Variants in AFF2 observed in about 807,000 individuals in gnomAD.
The protein encoded by AFF2 is AF4/FMR2 family member 2.
In AFF2, 14 loss-of-function variants were observed where a neutral mutation model predicts 76.9. That is an observed-to-expected ratio of 0.18 (90% CI 0.12 to 0.28). AFF2 has a LOEUF of 0.28. AFF2 is among the 10% of genes least tolerant of loss of function. The probability of loss-of-function intolerance (pLI) is 1.00; values close to 1 mark genes in which losing one functional copy is unlikely to be tolerated. For synonymous variants in AFF2, 398 were observed against 366.7 expected, an observed-to-expected ratio of 1.09 and a Z score of -0.98; for missense variants, 868 against 1,001.1, an observed-to-expected ratio of 0.87 and a Z score of 1.79.
At chrX:148,792,893 C>T (rs2069917114) in intron 3 of AFF2, among the ~76,000 whole-genome samples, 1 of 111,991 alleles carries the variant, frequency 8.9e-6, no homozygotes. Flanking sequence ...AGAAACACAG[C>T]TCACAGACAA....
chrX:148,575,495 T>G (rs1355250714), intron 1 of AFF2, among the ~76,000 whole-genome samples: 2 of 111,802 alleles, frequency 1.8e-5, no homozygotes, highest in African/African-American at 6.5e-5. Flanking sequence ...AGGGTATAAT[T>G]TTTAATCACA....
At chrX:148,713,053 A>T (rs1355552065) in intron 3 of AFF2, among the ~76,000 whole-genome samples, 1 of 111,321 alleles carries the variant, frequency 9.0e-6, no homozygotes, top group Non-Finnish European at 1.9e-5. Flanking sequence ...GAGGTGAGGA[A>T]GCAAGCCATG....
At chrX:148,587,714 C>T (rs143466868) in intron 1 of AFF2, among the ~76,000 whole-genome samples, 1,989 of 112,093 alleles carry the variant, frequency 0.018, 21 homozygotes, top group Non-Finnish European at 0.027. Context: ...CAGCCTGGCC[C>T]TAAAGTACCC....
At chrX:148,775,670 T>C (rs1485371449) in intron 3 of AFF2, among the ~76,000 whole-genome samples, 6 of 111,387 alleles carry the variant, frequency 5.4e-5, no homozygotes, top group Admixed American at 9.6e-5. Flanking sequence ...GTCTTTGGCT[T>C]GTGGCCTCAT....
At chrX:148,735,064 T>C (rs1253689710) in intron 3 of AFF2, among the ~76,000 whole-genome samples, 1 of 112,222 alleles carries the variant, frequency 8.9e-6, no homozygotes, top group East Asian at 2.8e-4. Context: ...AATAGACCCT[T>C]AGTTTTGCAG....
chrX:148,957,548 T>C (rs782059788), intron 11 of AFF2, among the ~76,000 whole-genome samples: 1 of 112,360 alleles, frequency 8.9e-6, no homozygotes, highest in East Asian at 2.8e-4. Context: ...GCTCCAAATC[T>C]GAAACTTTTT....
intron 3 of AFF2, among the ~76,000 whole-genome samples, chrX:148,705,617 T>A (rs1166377483): frequency 5.4e-5 from 6 of 112,005 alleles, no homozygotes; most frequent in Admixed American, 9.5e-5. Context: ...GGAGTTTTCA[T>A]CATATATCTG....
chrX:148,599,026 TG>T (rs1431511063), intron 1 of AFF2, among the ~76,000 whole-genome samples: 4 of 112,425 alleles, frequency 3.6e-5, no homozygotes, highest in Non-Finnish European at 7.5e-5. Context: ...AAATAGTTGT[TG>T]GCTCTTGAAG....
chrX:148,529,711 T>C (rs2052707911), intron 1 of AFF2, among the ~76,000 whole-genome samples: 1 of 111,885 alleles, frequency 8.9e-6, no homozygotes, highest in Non-Finnish European at 1.9e-5. Context: ...GCAACCTGCT[T>C]TGAGGCTTCT....
chrX:148,685,554 A>G (rs1466091801), intron 3 of AFF2, among the ~76,000 whole-genome samples: 2 of 111,897 alleles, frequency 1.8e-5, no homozygotes, highest in Admixed American at 1.9e-4. Flanking sequence ...TAACTAAATG[A>G]CATTCCCAAA....
At chrX:148,566,070 G>A (rs781842602) in intron 1 of AFF2, among the ~76,000 whole-genome samples, 44 of 111,731 alleles carry the variant, frequency 3.9e-4, no homozygotes, top group Non-Finnish European at 7.3e-4. Context: ...CTCTCTGCCA[G>A]GCACTGTGCC....
At chrX:148,503,159 C>T (rs2052372176) in intron 1 of AFF2, among the ~76,000 whole-genome samples, 2 of 112,313 alleles carry the variant, frequency 1.8e-5, no homozygotes, top group East Asian at 2.8e-4. Flanking sequence ...TCTTACTGCT[C>T]GTGAGTGGCA....
Position 148,635,879 on chromosome X carries a change from C to G in AFF2, c.48-16120C>G, listed in dbSNP as rs1419802403. Reference sequence around the variant, plus strand: ...CAGAGAAGTAGGGGGGCCCACCACTCATAGGATTCTGTATCCTGGCCCAGC... The same window carrying G: ...CAGAGAAGTAGGGGGGCCCACCACTGATAGGATTCTGTATCCTGGCCCAGC... On this transcript the variant is annotated intron_variant, in intron 1 of 20. Transcript: ENST00000370460. Among the ~76,000 whole-genome samples, 4 of 110,440 alleles carry G rather than the reference C, an allele frequency of 3.6e-5. No individual in the cohort carries two copies. The East Asian group carries it at 1.1e-3, about 31-fold the overall frequency.
chrX:148,964,775 C>T (rs2072152126), intron 13 of AFF2, among the ~76,000 whole-genome samples: 1 of 112,002 alleles, frequency 8.9e-6, no homozygotes, highest in Admixed American at 9.4e-5. Context: ...TAAGATGGTA[C>T]ATTTTATTAT....
intron 1 of AFF2, among the ~76,000 whole-genome samples, chrX:148,534,875 A>T (rs1294669186): frequency 8.9e-6 from 1 of 112,060 alleles, no homozygotes; most frequent in East Asian, 2.8e-4. Flanking sequence ...TTTCATTTCT[A>T]AATCACATAT....
chrX:148,506,922 T>C (rs1336860607), intron 1 of AFF2, among the ~76,000 whole-genome samples: 1 of 112,233 alleles, frequency 8.9e-6, no homozygotes, highest in African/African-American at 3.2e-5. Context: ...TCTTAGGATA[T>C]GTGTTTGTTG....
chrX:148,960,500 A>G lies in AFF2; in HGVS notation c.2690+2042A>G, dbSNP rs1214488182. Among the ~76,000 whole-genome samples the G allele has an allele frequency of 7.1e-5, 8 of 112,384 alleles. No individual in the cohort carries two copies. The Admixed American group carries it at 7.5e-4, about 11-fold the overall frequency. On this transcript the variant is annotated intron_variant, in intron 12 of 20. Transcript: ENST00000370460. ...CCTTTATCGTTCAGAAAGAGCCTCA[A>G]TTAGTTTCTTACGCCCATCAAACAG...
intron 3 of AFF2, among the ~76,000 whole-genome samples, chrX:148,769,100 C>T (rs1447592260): frequency 1.8e-5 from 2 of 112,178 alleles, no homozygotes; most frequent in Admixed American, 9.5e-5. Flanking sequence ...TGAAACTGTG[C>T]AACCTCTCAT....
At chrX:148,704,550 A>G (rs948418870) in intron 3 of AFF2, among the ~76,000 whole-genome samples, 6 of 101,820 alleles carry the variant, frequency 5.9e-5, no homozygotes, top group Non-Finnish European at 1.2e-4. Context: ...TTTTTGAGAC[A>G]TAGTCTTGCT....
Sources: gnomAD v4.1 joint callset for allele counts (sites outside exome capture counted in the v4.1 genomes callset) on GRCh38, gnomAD v4.1.1 for gene constraint, MANE v1.5 for transcripts, NCBI Gene and HGNC (gene_info 2026-07-23, HGNC 2026-07-21) for gene names.